The following RIMS3 variants were observed in gnomAD, a reference collection of about 807,000 sequenced individuals.
RIMS3 encodes the protein regulating synaptic membrane exocytosis protein 3.
A neutral mutation model predicts 29.2 loss-of-function variants in RIMS3; 15 were observed. The ratio of observed to expected loss-of-function variants is 0.51; its 90% CI spans 0.34 to 0.79. RIMS3 has a LOEUF of 0.79. Ranked by LOEUF, RIMS3 falls within the 30% of genes least tolerant of loss-of-function variation. RIMS3 has a pLI of 0.01. For synonymous variants in RIMS3, 161 were observed against 170.1 expected, an observed-to-expected ratio of 0.95 and a Z score of 0.41; for missense variants, 342 against 421.4, an observed-to-expected ratio of 0.81 and a Z score of 1.65.
At chr1:40,683,016 T>C in the RIMS3 span, among the ~76,000 whole-genome samples, 1 of 152,086 alleles carries the variant, frequency 6.6e-6, no homozygotes, top group Non-Finnish European at 1.5e-5. Flanking sequence ...TGAGTCACTG[T>C]GCCTGGCTGA....
chr1:40,657,051 T>C (rs528865745), intron 1 of RIMS3, among the ~76,000 whole-genome samples: 1 of 152,336 alleles, frequency 6.6e-6, no homozygotes, highest in South Asian at 2.1e-4. Flanking sequence ...TAGAAATTCC[T>C]TGGTCCTTTC....
chr1:40,651,940 T>C (rs970799257), intron 1 of RIMS3, among the ~76,000 whole-genome samples: 4 of 152,256 alleles, frequency 2.6e-5, no homozygotes, highest in Non-Finnish European at 1.5e-5. Flanking sequence ...AAAGTTCTTC[T>C]ATCTGCTTGA....
intron 3 of RIMS3, among the ~76,000 whole-genome samples, chr1:40,639,483 G>T (rs564893993): frequency 4.7e-4 from 71 of 152,308 alleles, no homozygotes; most frequent in African/African-American, 1.6e-3. Flanking sequence ...TGGTACAATG[G>T]CAGGTAATAA....
chr1:40,638,174 C>T (rs1421587605), intron 3 of RIMS3, among the ~76,000 whole-genome samples: 1 of 152,092 alleles, frequency 6.6e-6, no homozygotes, highest in Non-Finnish European at 1.5e-5. Context: ...GTTCAGGTGC[C>T]GAGAGAGCTG....
intron 1 of RIMS3, among the ~76,000 whole-genome samples, chr1:40,652,572 C>G (rs148995644): frequency 6.6e-6 from 1 of 152,280 alleles, no homozygotes; most frequent in Non-Finnish European, 1.5e-5. Flanking sequence ...GCGGCAACTA[C>G]TGGGAAGGCC....
chr1:40,664,174 A>C (rs1642392456), intron 1 of RIMS3, among the ~76,000 whole-genome samples: 1 of 152,096 alleles, frequency 6.6e-6, no homozygotes, highest in South Asian at 2.1e-4. Context: ...CTAAACAAAC[A>C]ACAAAGGGCA....
the RIMS3 span, among the ~76,000 whole-genome samples, chr1:40,685,841 T>C: frequency 6.6e-6 from 1 of 150,600 alleles, no homozygotes; most frequent in East Asian, 1.9e-4. Flanking sequence ...CTACAACCTT[T>C]AAAGAAAAAA....
intron 7 of RIMS3, 83 bp from the exon 8 acceptor site, chr1:40,626,812 A>T: frequency 8.0e-7 from 1 of 1,256,660 alleles, no homozygotes; most frequent in South Asian, 1.2e-5. Context: ...TACACGTTTC[A>T]GCAGGGCACA....
intron 5 of RIMS3, among the ~76,000 whole-genome samples, 179 bp from the exon 6 acceptor site, chr1:40,629,551 C>G (rs1183295131): frequency 6.6e-6 from 1 of 152,160 alleles, no homozygotes; most frequent in East Asian, 1.9e-4. Flanking sequence ...AGCTGAGGGA[C>G]CCTTTGATAG....
At chr1:40,678,349 G>A in the RIMS3 span, among the ~76,000 whole-genome samples, 4 of 152,124 alleles carry the variant, frequency 2.6e-5, no homozygotes, top group Non-Finnish European at 5.9e-5. Context: ...TGGAGGTTGC[G>A]GTGAGCTGAG....
Position 40,636,475 on chromosome 1 carries a change from C to T in RIMS3, c.218-418G>A, listed in dbSNP as rs1301064271. On this transcript the variant is annotated intron_variant, in intron 3 of 7. Transcript: ENST00000372684. The surrounding 1 kb of genome is among the most constrained non-coding windows in gnomAD (Gnocchi z 4.2). ...GTTCATCTTCTCTGGGATTCTCAGA[C>T]TGACTTTCCCTCTTTCAGGCACCCT... Among the ~76,000 whole-genome samples, 1 of 152,198 alleles carries T rather than the reference C, an allele frequency of 6.6e-6. No homozygotes were observed. The highest frequency in any genetic ancestry group is 1.5e-5 in the Non-Finnish European group (1 of 68,042).
intron 5 of RIMS3, 50 bp from the exon 6 acceptor site, chr1:40,629,422 G>A (rs748055087): frequency 1.4e-6 from 2 of 1,447,632 alleles, no homozygotes; most frequent in South Asian, 1.1e-5. Flanking sequence ...CAAGGGGCAG[G>A]CCAGCCAGCT....
chr1:40,669,270 C>T (rs545417761), upstream of RIMS3, among the ~76,000 whole-genome samples: 24 of 152,336 alleles, frequency 1.6e-4, no homozygotes, highest in Non-Finnish European at 3.1e-4. Context: ...GTATTCTTAT[C>T]TCCATTTGAT....
At chr1:40,633,821 T>C (rs780612719) in intron 4 of RIMS3, among the ~76,000 whole-genome samples, 1 of 152,214 alleles carries the variant, frequency 6.6e-6, no homozygotes, top group Non-Finnish European at 1.5e-5. Context: ...TTTTAATCCT[T>C]ACAACCACTC....
intron 1 of RIMS3, among the ~76,000 whole-genome samples, chr1:40,655,121 ACAAG>A (rs1374748458): frequency 6.6e-6 from 1 of 152,158 alleles, no homozygotes; most frequent in East Asian, 1.9e-4. Flanking sequence ...GGTCCCAGGG[ACAAG>A]CAGTCAGCAC....
At chr1:40,670,577 TATA>T (rs1642480804), upstream of RIMS3, among the ~76,000 whole-genome samples, 1 of 69,410 alleles carries the variant, frequency 1.4e-5, no homozygotes, top group Non-Finnish European at 3.1e-5. Context: ...TATAATTTTA[TATA>T]TATATATATA....
intron 5 of RIMS3, among the ~76,000 whole-genome samples, chr1:40,630,584 T>C (rs1423512390): frequency 1.3e-5 from 2 of 152,360 alleles, no homozygotes; most frequent in East Asian, 1.9e-4. Flanking sequence ...TCCACCTCCA[T>C]CCAGCTATTC....
At chr1:40,661,023 C>A (rs1384723810) in intron 1 of RIMS3, among the ~76,000 whole-genome samples, 1 of 152,144 alleles carries the variant, frequency 6.6e-6, no homozygotes, top group African/African-American at 2.4e-5. Flanking sequence ...TCCTCTTGGG[C>A]AAACTCCAAG....
At chr1:40,668,700 C>T (rs1233091875), upstream of RIMS3, among the ~76,000 whole-genome samples, 1 of 152,114 alleles carries the variant, frequency 6.6e-6, no homozygotes, top group East Asian at 1.9e-4. Context: ...ATGATGAAAC[C>T]TAGAAGCCAT....
Sources: gnomAD v4.1 joint callset for allele counts (sites outside exome capture counted in the v4.1 genomes callset) on GRCh38, gnomAD v4.1.1 for gene constraint, Gnocchi (gnomAD v3.1) non-coding constraint, MANE v1.5 for transcripts, NCBI Gene and HGNC (gene_info 2026-07-23, HGNC 2026-07-21) for gene names.